Variants in CD101 observed in about 807,000 individuals in gnomAD.
CD101 encodes the protein CD101 molecule.
In CD101, 76 loss-of-function variants were observed where a neutral mutation model predicts 98.2. The ratio of observed to expected loss-of-function variants is 0.77; its 90% CI spans 0.64 to 0.94. CD101 has a LOEUF of 0.94. CD101 is among the 40% of genes least tolerant of loss of function. The probability of loss-of-function intolerance (pLI) is 0.00; values close to 1 mark genes in which losing one functional copy is unlikely to be tolerated. For missense variants in CD101, 1,145 were observed against 1,218.8 expected (o/e 0.94, Z 0.90); for synonymous variants, 471 against 472.7 (o/e 1.00, Z 0.05).
rs142866684 is a variant in CD101 at position 117,016,686 on chromosome 1, G to A, written c.1229-404G>A. The stretch of plus-strand genomic sequence containing the variant: ...CCAGCCTAGGTAACAAAGAGAGACC[G>A]TATCTCTACAGAAAATTTAAAAATT... On this transcript the variant is annotated intron_variant, in intron 4 of 9. Coordinates refer to ENST00000682167, the MANE Select transcript of CD101 (RefSeq NM_001256106.3). Among the ~76,000 whole-genome samples, 1,467 of 152,214 alleles carry A rather than the reference G, an allele frequency of 9.6e-3. 10 individuals are homozygous for A. The highest frequency in any genetic ancestry group is 0.021 in the South Asian group (103 of 4,824).
At chr1:117,030,548 T>C (rs941376449) in intron 8 of CD101, among the ~76,000 whole-genome samples, 1 of 152,166 alleles carries the variant, frequency 6.6e-6, no homozygotes, top group Non-Finnish European at 1.5e-5. Flanking sequence ...GAGCTGTGTG[T>C]CTTTACCACA....
rs548165520 is a variant in CD101 at position 117,024,092 on chromosome 1, G to A, written c.2429-1417G>A. ...AGTATTCCATGTGCTAATATTCCAC[G>A]TGCTACTCCATGAAGGAAAGGGGAG... On this transcript the variant is annotated intron_variant, in intron 7 of 9. Coordinates refer to ENST00000682167, the MANE Select transcript of CD101 (RefSeq NM_001256106.3). 6.6e-5 allele frequency among the ~76,000 whole-genome samples: 10 copies of A among 152,346 alleles called. No individual in the cohort carries two copies. The South Asian group carries it at 1.2e-3, about 19-fold the overall frequency.
rs763796848 is a variant in CD101, at chr1:117,009,841, A to G, written c.44-9A>G. On this transcript the variant is annotated splice_polypyrimidine_tract_variant and intron_variant, in intron 1 of 9. Coordinates refer to ENST00000682167, the MANE Select transcript of CD101 (RefSeq NM_001256106.3). ...CTTTTTATTCCCCTTTCTTTCTCCT[A>G]CTTACAAGCTAAGCTCAGCATTGGC... is the stretch of plus-strand genomic sequence containing the variant. 26 of 1,583,620 alleles carry G rather than the reference A, an allele frequency of 1.6e-5. No homozygotes were observed. The highest frequency in any genetic ancestry group is 2.2e-5 in the Non-Finnish European group (26 of 1,159,256).
In CD101 at chr1:117,001,822, C is replaced by G; in HGVS notation, c.5C>G (p.Ala2Gly). Residue 2 changes from alanine to glycine, a missense_variant, in exon 1 of 10, where the codon GCA (alanine) becomes GGA (glycine). Ala to Gly is a moderately conservative substitution (Grantham distance 60, BLOSUM62 0). Coordinates refer to ENST00000682167, the MANE Select transcript of CD101 (RefSeq NM_001256106.3). ...AAAAGGACTGTGCTGGCCCAAATGG[C>G]AGGCATCTCATATGTGGCATCTTTC... Reference protein sequence around the residue: MAGISYVASFFL... With the variant: MGGISYVASFFL... 1 of 1,614,072 alleles carries G rather than the reference C, an allele frequency of 6.2e-7. No homozygotes were observed. Among genetic ancestry groups the G allele is most frequent in the Admixed American group, 1.7e-5 (1 of 60,010 alleles).
At chr1:117,029,284 G>A (rs72699137) in intron 8 of CD101, among the ~76,000 whole-genome samples, 11,507 of 131,092 alleles carry the variant, frequency 0.088, 908 homozygotes, top group African/African-American at 0.12. Context: ...AGTAGATACG[G>A]TTGACAGTCC....
rs149694516 is a variant in CD101, at chr1:117,027,941, C to T, written c.2824+2037C>T. Among the ~76,000 whole-genome samples the T allele has an allele frequency of 5.7e-3, 867 of 152,016 alleles. 12 individuals carry two copies. The highest frequency in any genetic ancestry group is 0.019 in the African/African-American group (808 of 41,462). On this transcript the variant is annotated intron_variant, in intron 8 of 9. Transcript: ENST00000682167. ...TGTACTAAAAATCCTAAAAATTAGC[C>T]GGGCATGGTGGCCCATGCCTGTAAT... is the stretch of plus-strand genomic sequence containing the variant.
At chr1:117,027,851 A>AG (rs1363642944) in intron 8 of CD101, among the ~76,000 whole-genome samples, 3 of 152,198 alleles carry the variant, frequency 2.0e-5, no homozygotes, top group Non-Finnish European at 4.4e-5. Flanking sequence ...TAGGAGGCCA[A>AG]GGCGGGCGGG....
Position 117,022,002 on chromosome 1 carries a change from T to A in CD101, c.2428+19T>A. ...CCCACAGGTAAACCTTGCGAGTGTATCCTCACAATGTCTGTCTGTCTGACG... is the reference window on the plus strand; with the variant it reads ...CCCACAGGTAAACCTTGCGAGTGTAACCTCACAATGTCTGTCTGTCTGACG... On this transcript the variant is annotated intron_variant, in intron 7 of 9. Transcript: ENST00000682167. This position sits in a 1 kb window ranked among gnomAD's most constrained non-coding sequence, Gnocchi z 4.8. 6.3e-7 allele frequency: 1 copy of A among 1,583,388 alleles called. No homozygotes were observed.
Position 117,011,559 on chromosome 1 carries a change from A to G in CD101, c.434A>G (p.Asp145Gly). ...ATTCCTTTGTTTCCAGTTATTCCAGATACCCTCTCTGCCACCATGAGTTCT... is the reference window on the plus strand; with the variant it reads ...ATTCCTTTGTTTCCAGTTATTCCAGGTACCCTCTCTGCCACCATGAGTTCT... ...SAKTNLIVIP[D>G]TLSATMSSQT... is the part of the protein sequence containing the mutation. Residue 145 changes from aspartate (D) to glycine (G), a missense_variant, in exon 3 of 10, where the codon GAT becomes GGT. By Grantham distance (94) the Asp-to-Gly change is moderately conservative. Transcript: ENST00000682167. 1.2e-6 allele frequency: 2 copies of G among 1,612,494 alleles called. No individual in the cohort carries two copies. Among genetic ancestry groups the G allele is most frequent in the Non-Finnish European group, 1.7e-6 (2 of 1,179,268 alleles).
rs1233071173 is a variant in CD101 at position 117,022,312 on chromosome 1, G to A, written c.2428+329G>A. 6.6e-6 allele frequency among the ~76,000 whole-genome samples: 1 copy of A among 152,114 alleles called. No individual in the cohort carries two copies. ...CATAACAAGCTGTGTCATTCCAGTG[G>A]GGCTCTACTGTAATTTGGCAGAGAA... On this transcript the variant is annotated intron_variant, in intron 7 of 9. Coordinates refer to ENST00000682167, the MANE Select transcript of CD101 (RefSeq NM_001256106.3). The surrounding 1 kb of genome is among the most constrained non-coding windows in gnomAD (Gnocchi z 4.8).
intron 2 of CD101, among the ~76,000 whole-genome samples, 160 bp from the exon 3 acceptor site, chr1:117,011,390 A>G (rs1229890657): frequency 6.6e-6 from 1 of 152,220 alleles, no homozygotes; most frequent in African/African-American, 2.4e-5. Context: ...CAATGTTCCC[A>G]ATGGCAATAG....
rs1654823016 is a variant in CD101 at position 117,036,279 on chromosome 1, A to T, written c.*145A>T. On this transcript the variant is annotated 3_prime_UTR_variant, in exon 10 of 10. Coordinates refer to ENST00000682167, the MANE Select transcript of CD101 (RefSeq NM_001256106.3). The surrounding 1 kb of genome is among the most constrained non-coding windows in gnomAD (Gnocchi z 5.0). ...GCAACTTCTAGATGAACCCAAGTGA[A>T]CTTTCCTCATTACCATCCTGAAGTC... The T allele has an allele frequency of 6.6e-6, 1 of 152,124 alleles. No individual in the cohort carries two copies. The highest frequency in any genetic ancestry group is 1.5e-5 in the Non-Finnish European group (1 of 68,074). The allele number at this position is 152,124 out of a possible 1,614,324, so 9.4% of individuals were successfully genotyped here.
At chr1:117,027,195 G>A (rs1557777437) in intron 8 of CD101, among the ~76,000 whole-genome samples, 1 of 152,214 alleles carries the variant, frequency 6.6e-6, no homozygotes, top group Non-Finnish European at 1.5e-5. Context: ...CAAACCCGCT[G>A]CACATACATA....
rs917911739 is a variant in CD101 at position 117,023,719 on chromosome 1, G to C, written c.2428+1736G>C. Among the ~76,000 whole-genome samples, 2 of 151,804 alleles carry C rather than the reference G, an allele frequency of 1.3e-5. No homozygotes were observed. Among genetic ancestry groups the C allele is most frequent in the African/African-American group, 4.8e-5 (2 of 41,356 alleles). ...GGCGTGAGCCACTGCGCCCAGCCCA[G>C]TTCTCTTAAAATACTGCAAGTGTCA... On this transcript the variant is annotated intron_variant, in intron 7 of 9. Transcript: ENST00000682167. The surrounding 1 kb of genome is among the most constrained non-coding windows in gnomAD (Gnocchi z 4.4).
In CD101 at chr1:117,033,763, A is replaced by G; in HGVS notation, c.2825-97A>G. 2 of 1,523,328 alleles carry G rather than the reference A, an allele frequency of 1.3e-6. No individual in the cohort carries two copies. Among genetic ancestry groups the G allele is most frequent in the South Asian group, 2.5e-5 (2 of 80,946 alleles). 94.4% of individuals were successfully genotyped at this position (1,523,328 alleles called of 1,614,324 possible). A position where few individuals can be genotyped will look rare whatever the true frequency, so the allele number is the denominator to read the frequency against. On this transcript the variant is annotated intron_variant, in intron 8 of 9. Transcript: ENST00000682167. This position sits in a 1 kb window ranked among gnomAD's most constrained non-coding sequence, Gnocchi z 4.8. ...CTATTTGGCCCCATTATTTTTACAT[A>G]TACTTGCCTATAACAATAAATCCCA...
In CD101 at chr1:117,010,044, T is replaced by C; in HGVS notation, c.238T>C (p.Phe80Leu). ...VQIISTKDAA[F>L]SYAVYTQRVR... ...GATCATTAGCACCAAGGATGCTGCC[T>C]TCTCTTACGCAGTATATACGCAGCG... Residue 80 changes from phenylalanine (F) to leucine (L), a missense_variant, in exon 2 of 10, where the codon TTC becomes CTC. Phe to Leu is a conservative substitution (Grantham distance 22, BLOSUM62 0). Transcript: ENST00000682167. This position sits in a 1 kb window ranked among gnomAD's most constrained non-coding sequence, Gnocchi z 5.2. The C allele has an allele frequency of 1.2e-6, 2 of 1,614,226 alleles. No homozygotes were observed. Among genetic ancestry groups the C allele is most frequent in the Non-Finnish European group, 1.7e-6 (2 of 1,180,032 alleles).
intron 7 of CD101, among the ~76,000 whole-genome samples, chr1:117,024,190 GT>G (rs1653758516): frequency 1.3e-5 from 2 of 152,176 alleles, no homozygotes; most frequent in Admixed American, 1.3e-4. Flanking sequence ...TAATAAATGT[GT>G]TTGAGTCAGG....
Position 117,010,967 on chromosome 1 carries a change from A to G in CD101, c.425-583A>G, listed in dbSNP as rs546793776. Among the ~76,000 whole-genome samples, 79 of 152,272 alleles carry G rather than the reference A, an allele frequency of 5.2e-4. No homozygotes were observed. The highest frequency in any genetic ancestry group is 1.8e-3 in the African/African-American group (76 of 41,562). On this transcript the variant is annotated intron_variant, in intron 2 of 9. Coordinates refer to ENST00000682167, the MANE Select transcript of CD101 (RefSeq NM_001256106.3). This position sits in a 1 kb window ranked among gnomAD's most constrained non-coding sequence, Gnocchi z 5.2. Reference sequence around the variant, plus strand: ...ACCGAGTAGACGCTCAGTCACATTCATTGATTAAATCTAAGTGTTGCTTTC... The same window carrying G: ...ACCGAGTAGACGCTCAGTCACATTCGTTGATTAAATCTAAGTGTTGCTTTC...
chr1:117,021,776 G>A lies in CD101; in HGVS notation c.2221G>A (p.Glu741Lys). The change falls in exon 7 of 10, where the codon GAG becomes AAG. Residue 741 changes from glutamate (E) to lysine (K), a missense_variant. Glu to Lys is a moderately conservative substitution (Grantham distance 56, BLOSUM62 1). Coordinates refer to ENST00000682167, the MANE Select transcript of CD101 (RefSeq NM_001256106.3). The surrounding 1 kb of genome is among the most constrained non-coding windows in gnomAD (Gnocchi z 4.7). ...AACCAATGTTATAAAAACTGGGGAT[G>A]AGTTTCACACCCCACAGAGAAAACA... ...DQTNVIKTGD[E>K]FHTPQRKQKF... 6.2e-7 allele frequency: 1 copy of A among 1,614,032 alleles called. No homozygotes were observed. The highest frequency in any genetic ancestry group is 8.5e-7 in the Non-Finnish European group (1 of 1,179,992).
Sources: allele counts gnomAD v4.1 joint callset (sites outside exome capture counted in the v4.1 genomes callset), GRCh38; gene constraint gnomAD v4.1.1; non-coding constraint Gnocchi (gnomAD v3.1); transcripts MANE v1.5; gene names NCBI Gene and HGNC (gene_info 2026-07-23, HGNC 2026-07-21).